Variants in GAS7 observed in about 807,000 individuals in gnomAD.
GAS7 encodes growth arrest-specific protein 7.
GAS7 carries 28 observed loss-of-function variants against 71.1 expected under a neutral mutation model. The observed-to-expected ratio is 0.39, with a 90% CI of 0.29 to 0.54. GAS7 has a LOEUF of 0.54. GAS7 is among the 20% of genes least tolerant of loss of function. GAS7 has a pLI of 0.62. For missense variants in GAS7, 436 were observed against 627.8 expected (o/e 0.69, Z 3.27); for synonymous variants, 258 against 245.8 (o/e 1.05, Z -0.46).
chr17:10,059,702 T>C (rs946384819), intron 1 of GAS7: 3 of 985,116 alleles, frequency 3.0e-6, no homozygotes, highest in African/African-American at 1.7e-5. Flanking sequence ...CTCAGCCTTG[T>C]GGTGTGTCCT....
chr17:9,985,213 A>G (rs917389493), intron 2 of GAS7, among the ~76,000 whole-genome samples: 5 of 152,144 alleles, frequency 3.3e-5, no homozygotes, highest in African/African-American at 1.2e-4. Flanking sequence ...ACTCACAGCT[A>G]GTGGACCACT....
At chr17:10,053,501 C>A (rs146183078) in intron 1 of GAS7, among the ~76,000 whole-genome samples, 105 of 152,298 alleles carry the variant, frequency 6.9e-4, no homozygotes, top group African/African-American at 2.5e-3. Flanking sequence ...GCCTGAATGC[C>A]TGGTCACCCT....
chr17:9,969,862 T>G lies in GAS7; in HGVS notation c.386-100A>C. Reference sequence around the variant, plus strand: ...CCCTTTTCCCACCTCCTTCCTTGGCTCTGAGAGGTCTTGCGTGGCGAAGAC... The same window carrying G: ...CCCTTTTCCCACCTCCTTCCTTGGCGCTGAGAGGTCTTGCGTGGCGAAGAC... On this transcript the variant is annotated intron_variant, in intron 3 of 13. Coordinates refer to ENST00000432992, the MANE Select transcript of GAS7 (RefSeq NM_201433.2). This position sits in a 1 kb window ranked among gnomAD's most constrained non-coding sequence, Gnocchi z 5.5. 1.3e-6 allele frequency: 1 copy of G among 768,526 alleles called. No homozygotes were observed. The highest frequency in any genetic ancestry group is 2.3e-6 in the Non-Finnish European group (1 of 430,012). The allele number at this position is 768,526 out of a possible 1,614,324, so 47.6% of individuals were successfully genotyped here.
At chr17:10,171,109 G>C (rs187436748) in intron 1 of GAS7, among the ~76,000 whole-genome samples, 1 of 152,334 alleles carries the variant, frequency 6.6e-6, no homozygotes, top group African/African-American at 2.4e-5. Flanking sequence ...CAAGCTCTGA[G>C]TTCCATTCAT....
At chr17:10,194,858 CAAAA>C (rs5819269) in intron 1 of GAS7, among the ~76,000 whole-genome samples, 1 of 85,188 alleles carries the variant, frequency 1.2e-5, no homozygotes, top group East Asian at 3.5e-4. Context: ...GACTCTGTCT[CAAAA>C]AAAAAAAAAA....
intron 1 of GAS7, among the ~76,000 whole-genome samples, chr17:10,060,907 G>C (rs2073212971): frequency 1.3e-5 from 2 of 152,140 alleles, no homozygotes; most frequent in South Asian, 4.2e-4. Context: ...ACACATTTAT[G>C]GGTTGTCATG....
intron 11 of GAS7, among the ~76,000 whole-genome samples, chr17:9,921,314 C>T (rs925835001): frequency 6.6e-6 from 1 of 151,872 alleles, no homozygotes; most frequent in African/African-American, 2.4e-5. Flanking sequence ...GCGCCACCAC[C>T]CCTGGCTAGT....
intron 1 of GAS7, among the ~76,000 whole-genome samples, chr17:10,078,280 T>C (rs1385266303): frequency 6.6e-6 from 1 of 152,026 alleles, no homozygotes; most frequent in Non-Finnish European, 1.5e-5. Flanking sequence ...TTAGTACAGA[T>C]GGGGTTTTGC....
chr17:10,136,467 G>A (rs79950986), intron 1 of GAS7, among the ~76,000 whole-genome samples: 2,608 of 152,258 alleles, frequency 0.017, 70 homozygotes, highest in African/African-American at 0.06. Context: ...GGAAGGCAGC[G>A]CGGCTGATGC....
intron 1 of GAS7, among the ~76,000 whole-genome samples, chr17:10,087,713 A>T (rs1436432176): frequency 6.6e-6 from 1 of 152,190 alleles, no homozygotes; most frequent in Non-Finnish European, 1.5e-5. Flanking sequence ...AACATTTCTG[A>T]ACTCTTTATC....
Position 10,084,762 on chromosome 17 carries a change from C to A in GAS7, c.184-64865G>T, listed in dbSNP as rs1397110696. On this transcript the variant is annotated intron_variant, in intron 1 of 13. Transcript: ENST00000432992. ...GATTACAGGCGTGAGCCCCCGTGCCCGGCCCCTTTCCCTATATCTTAATAG... is the reference window on the plus strand; with the variant it reads ...GATTACAGGCGTGAGCCCCCGTGCCAGGCCCCTTTCCCTATATCTTAATAG... 5.9e-5 allele frequency among the ~76,000 whole-genome samples: 9 copies of A among 152,294 alleles called. No individual in the cohort carries two copies. In the South Asian group the frequency reaches 1.7e-3, roughly 28 times the overall value.
At chr17:9,938,299 G>A (rs1270513537) in intron 8 of GAS7, among the ~76,000 whole-genome samples, 1 of 151,696 alleles carries the variant, frequency 6.6e-6, no homozygotes, top group Non-Finnish European at 1.5e-5. Flanking sequence ...TTGAGTTCAG[G>A]GGTTCTAGAC....
chr17:10,060,279 T>C (rs1376797607), intron 1 of GAS7, among the ~76,000 whole-genome samples: 4 of 152,146 alleles, frequency 2.6e-5, no homozygotes, highest in Non-Finnish European at 5.9e-5. Context: ...GCTAGCCGAG[T>C]GACACTGGGC....
intron 2 of GAS7, among the ~76,000 whole-genome samples, chr17:10,009,318 C>CAAAAAAAAAAAAA (rs541133967): frequency 6.9e-4 from 54 of 78,526 alleles, no homozygotes; most frequent in African/African-American, 2.1e-3. Context: ...GAGACTCCGT[C>CAAAAAAAAAAAAA]AAAAAAAAAA....
intron 1 of GAS7, among the ~76,000 whole-genome samples, chr17:10,031,949 TA>T (rs2072629201): frequency 6.6e-6 from 1 of 151,938 alleles, no homozygotes; most frequent in Non-Finnish European, 1.5e-5. Flanking sequence ...AGCAGGTGCC[TA>T]AAGGCCTTAT....
intron 1 of GAS7, among the ~76,000 whole-genome samples, chr17:10,149,932 T>C (rs991551431): frequency 6.6e-6 from 1 of 151,848 alleles, no homozygotes; most frequent in Non-Finnish European, 1.5e-5. Context: ...TTAGTAGTTG[T>C]TGGTTGTTAG....
intron 1 of GAS7, among the ~76,000 whole-genome samples, chr17:10,144,949 G>C (rs377729949): frequency 1.3e-5 from 2 of 152,244 alleles, no homozygotes; most frequent in East Asian, 3.8e-4. Flanking sequence ...GCCCGTCTCT[G>C]ATTAGAACCT....
chr17:10,119,605 G>A (rs2073889260), intron 1 of GAS7, among the ~76,000 whole-genome samples: 1 of 152,190 alleles, frequency 6.6e-6, no homozygotes, highest in Admixed American at 6.5e-5. Context: ...ACCACACCCT[G>A]AGTTAGTTAG....
At chr17:9,996,550 A>G (rs2071050936) in intron 2 of GAS7, among the ~76,000 whole-genome samples, 1 of 146,318 alleles carries the variant, frequency 6.8e-6, no homozygotes, top group African/African-American at 2.5e-5. Flanking sequence ...TGTACCCTAA[A>G]ACTTAAAGTA....
Sources: gnomAD v4.1 joint callset for allele counts (sites outside exome capture counted in the v4.1 genomes callset) on GRCh38, gnomAD v4.1.1 for gene constraint, Gnocchi (gnomAD v3.1) non-coding constraint, MANE v1.5 for transcripts, NCBI Gene and HGNC (gene_info 2026-07-23, HGNC 2026-07-21) for gene names.